SLC39A10: variants seen among roughly 807,000 people sequenced by gnomAD.
SLC39A10 encodes solute carrier family 39 member 10, also known as zinc transporter ZIP10.
In SLC39A10, 13 loss-of-function variants were observed where a neutral mutation model predicts 65.1. That is an observed-to-expected ratio of 0.20 (90% confidence interval 0.13 to 0.32). The LOEUF is 0.32. Ranked by LOEUF, SLC39A10 falls within the 10% of genes least tolerant of loss-of-function variation. The pLI is 1.00. For missense variants in SLC39A10, 831 were observed against 1,018.4 expected (o/e 0.82, Z 2.50); for synonymous variants, 321 against 342.2 (o/e 0.94, Z 0.68).
Position 195,706,681 on chromosome 2 carries a change from G to A in SLC39A10, c.1282G>A (p.Val428Ile), listed in dbSNP as rs1472791479. 6.2e-7 allele frequency: 1 copy of A among 1,609,338 alleles called. No individual in the cohort carries two copies. The highest frequency in any genetic ancestry group is 1.1e-5 in the South Asian group (1 of 90,708). The change falls in exon 4 of 10, where the codon GTT becomes ATT. Residue 428 changes from valine (V) to isoleucine (I), a missense_variant. By Grantham distance (29) the Val-to-Ile change is conservative (BLOSUM62 3). Around this residue, in one of 4 missense-constraint regions of SLC39A10, gnomAD observed 35 missense variants for 72.4 expected, o/e 0.48. Coordinates refer to ENST00000359634, the MANE Select transcript of SLC39A10 (RefSeq NM_020342.3). The stretch of plus-strand genomic sequence containing the variant: ...GCTTTCCTTGCTAGGCGTGATCTTG[G>A]TTCCTATCATTAACCAAGGATGCTT... ...SLLSLLGVIL[V>I]PIINQGCFKF... is the part of the protein sequence containing the mutation.
At chr2:195,618,741 A>G (rs532811853) in intron 2 of SLC39A10, among the ~76,000 whole-genome samples, 1 of 152,338 alleles carries the variant, frequency 6.6e-6, no homozygotes, top group East Asian at 1.9e-4. Flanking sequence ...ATATTAAGCA[A>G]TAGAGACAAT....
chr2:195,642,551 T>C (rs1688832647), intron 2 of SLC39A10, among the ~76,000 whole-genome samples: 1 of 152,210 alleles, frequency 6.6e-6, no homozygotes, highest in Non-Finnish European at 1.5e-5. Flanking sequence ...GAGAAGTCCA[T>C]GTCACCAGTA....
At chr2:195,647,047 C>G (rs976588089) in intron 2 of SLC39A10, among the ~76,000 whole-genome samples, 1 of 152,054 alleles carries the variant, frequency 6.6e-6, no homozygotes, top group Non-Finnish European at 1.5e-5. Context: ...CCTCTTCTTC[C>G]CTCTTCCATT....
upstream of SLC39A10, chr2:195,657,025 T>A (rs1202331348): frequency 6.6e-6 from 1 of 152,274 alleles, no homozygotes; most frequent in Admixed American, 6.5e-5. Context: ...GTAGTGCGAC[T>A]CCTTTACGCA....
At chr2:195,698,893 GTTC>G (rs1295254924) in intron 3 of SLC39A10, among the ~76,000 whole-genome samples, 3 of 151,858 alleles carry the variant, frequency 2.0e-5, no homozygotes, top group East Asian at 1.9e-4. Context: ...ATTGGTATTA[GTTC>G]TTCTTTAAAT....
chr2:195,650,824 C>A (rs1463925133), intron 2 of SLC39A10, among the ~76,000 whole-genome samples: 1 of 151,998 alleles, frequency 6.6e-6, no homozygotes, highest in Non-Finnish European at 1.5e-5. Context: ...TGGTTTATTT[C>A]TCCCTGCCTT....
intron 2 of SLC39A10, among the ~76,000 whole-genome samples, chr2:195,682,024 TAAG>T (rs1690344708): frequency 6.6e-6 from 1 of 152,188 alleles, no homozygotes; most frequent in Non-Finnish European, 1.5e-5. Context: ...GGTATAATAA[TAAG>T]AAACTAATAG....
At chr2:195,656,942 G>A (rs1297008830), upstream of SLC39A10, 1 of 152,300 alleles carries the variant, frequency 6.6e-6, no homozygotes, top group Non-Finnish European at 1.5e-5. Context: ...AAACTAGCGC[G>A]GAGCCACGGA....
At chr2:195,732,821 C>T (rs913214974) in intron 9 of SLC39A10, among the ~76,000 whole-genome samples, 3 of 152,150 alleles carry the variant, frequency 2.0e-5, no homozygotes, top group South Asian at 2.1e-4. Flanking sequence ...CCTGGGACAG[C>T]GCCTCTGCTG....
At chr2:195,700,424 G>A (rs1370389654) in intron 3 of SLC39A10, among the ~76,000 whole-genome samples, 1 of 152,116 alleles carries the variant, frequency 6.6e-6, no homozygotes, top group Admixed American at 6.5e-5. Flanking sequence ...TGGGGATTAC[G>A]TTTAGCAGCC....
Position 195,626,597 on chromosome 2 carries a change from TA to T in SLC39A10, c.-12+20373del, listed in dbSNP as rs912992327. Among the ~76,000 whole-genome samples the T allele has an allele frequency of 1.4e-3, 217 of 151,148 alleles. 1 individual carries two copies. Among genetic ancestry groups the T allele is most frequent in the African/African-American group, 4.6e-3 (190 of 41,214 alleles). On this transcript the variant is annotated intron_variant, in intron 2 of 2. Coordinates refer to the SLC39A10 transcript ENST00000458054. The stretch of plus-strand genomic sequence containing the variant: ...AGCATTACTAATCTATATATTATCT[TA>T]AAAAAAAACAAGACTTACATAATTA...
intron 2 of SLC39A10, among the ~76,000 whole-genome samples, chr2:195,642,517 A>C (rs534928329): frequency 6.6e-6 from 1 of 152,336 alleles, no homozygotes; most frequent in South Asian, 2.1e-4. Flanking sequence ...AAATTATCCA[A>C]GCGTAACATT....
chr2:195,660,512 A>G (rs968709486), intron 1 of SLC39A10, among the ~76,000 whole-genome samples: 1 of 152,330 alleles, frequency 6.6e-6, no homozygotes, highest in Middle Eastern at 3.4e-3. Context: ...ACCTTTTGCT[A>G]AAATAAGGTA....
At chr2:195,732,751 C>A (rs1368169671) in intron 9 of SLC39A10, among the ~76,000 whole-genome samples, 2 of 152,144 alleles carry the variant, frequency 1.3e-5, no homozygotes, top group African/African-American at 4.8e-5. Flanking sequence ...ATGGTTTAGG[C>A]TTTGGGGACC....
chr2:195,680,612 T>C lies in SLC39A10; in HGVS notation c.570T>C (p.His190=). 6.2e-7 allele frequency: 1 copy of C among 1,614,104 alleles called. No individual in the cohort carries two copies. The highest frequency in any genetic ancestry group is 8.5e-7 in the Non-Finnish European group (1 of 1,180,032). The part of the protein sequence containing the change: ...HHHRLHHHLD[H]NNTHHFHNDS... ...ATCGTTTGCATCATCATCTTGATCA[T>C]AACAACACTCACCATTTTCATAATG... The change falls in exon 2 of 10, where the codon CAT becomes CAC. Residue 190 remains histidine (H), a synonymous_variant. Coordinates refer to ENST00000359634, the MANE Select transcript of SLC39A10 (RefSeq NM_020342.3).
Position 195,674,028 on chromosome 2 carries a change from A to G in SLC39A10, c.-11-6004A>G, listed in dbSNP as rs531721097. On this transcript the variant is annotated intron_variant, in intron 1 of 9. Coordinates refer to ENST00000359634, the MANE Select transcript of SLC39A10 (RefSeq NM_020342.3). ...TAATCATCCCATGTTCTCTTGCTAC[A>G]TGAATATATACCCCCAAATAAGTAA... is the stretch of plus-strand genomic sequence containing the variant. 1.3e-4 allele frequency among the ~76,000 whole-genome samples: 20 copies of G among 152,316 alleles called. No homozygotes were observed. The East Asian group carries it at 3.5e-3, about 26-fold the overall frequency.
chr2:195,711,660 T>A (rs1007892094), intron 5 of SLC39A10, among the ~76,000 whole-genome samples: 2 of 152,214 alleles, frequency 1.3e-5, no homozygotes, highest in Non-Finnish European at 2.9e-5. Flanking sequence ...ATCAACTGTT[T>A]CAGCTTTCAA....
At chr2:195,686,725 C>A (rs572705043) in intron 3 of SLC39A10, among the ~76,000 whole-genome samples, 4 of 152,180 alleles carry the variant, frequency 2.6e-5, no homozygotes, top group Non-Finnish European at 5.9e-5. Flanking sequence ...TGCCCAAGGT[C>A]ACACAAACTG....
chr2:195,662,225 T>C (rs1377553302), intron 1 of SLC39A10, among the ~76,000 whole-genome samples: 1 of 152,078 alleles, frequency 6.6e-6, no homozygotes, highest in South Asian at 2.1e-4. Context: ...CCTCAGTCAC[T>C]TTTAGTGTAG....
Sources: allele counts gnomAD v4.1 joint callset (sites outside exome capture counted in the v4.1 genomes callset), GRCh38; gene constraint gnomAD v4.1.1; regional missense constraint gnomAD v4.1.1; transcripts MANE v1.5; gene names NCBI Gene and HGNC (gene_info 2026-07-23, HGNC 2026-07-21).